Variants in ELK3 observed in about 807,000 individuals in gnomAD.
ELK3 encodes the protein ETS domain-containing protein Elk-3.
ELK3 carries 10 observed loss-of-function variants against 28.9 expected under a neutral mutation model. That is an observed-to-expected ratio of 0.35 (90% CI 0.21 to 0.59). The LOEUF is 0.59. Among genes scored for constraint, ELK3 ranks in the 20% least tolerant of loss-of-function variants. The pLI, the probability that ELK3 is intolerant of heterozygous loss-of-function variation, is 0.82. For missense variants in ELK3, 463 were observed against 517.3 expected, an observed-to-expected ratio of 0.90 and a Z score of 1.02; for synonymous variants, 272 against 243.5, an observed-to-expected ratio of 1.12 and a Z score of -1.09.
chr12:96,201,737 C>T (rs1951509172), intron 1 of ELK3, among the ~76,000 whole-genome samples: 1 of 152,160 alleles, frequency 6.6e-6, no homozygotes, highest in Admixed American at 6.5e-5. Flanking sequence ...CTGTCATCTC[C>T]AGACATCTGA....
chr12:96,264,819 TATTGATGATTGA>T (rs1952017751), intron 4 of ELK3, among the ~76,000 whole-genome samples: 2 of 152,326 alleles, frequency 1.3e-5, no homozygotes, highest in South Asian at 4.1e-4. Context: ...AGTTAACATT[TATTGATGATTGA>T]TGACTTATTG....
chr12:96,195,654 T>C (rs555242416), intron 1 of ELK3, among the ~76,000 whole-genome samples: 1 of 152,190 alleles, frequency 6.6e-6, no homozygotes, highest in African/African-American at 2.4e-5. Context: ...AAAGGGGCTT[T>C]TTAGAAAGAA....
chr12:96,229,530 T>C (rs950231775), intron 2 of ELK3, among the ~76,000 whole-genome samples: 8 of 138,260 alleles, frequency 5.8e-5, no homozygotes, highest in African/African-American at 2.2e-4. Context: ...TTCCTTTTTT[T>C]TTTTTTTTTT....
intron 1 of ELK3, among the ~76,000 whole-genome samples, chr12:96,220,694 T>C (rs1175268555): frequency 6.6e-6 from 1 of 152,052 alleles, no homozygotes; most frequent in African/African-American, 2.4e-5. Context: ...AGCCGGCCTT[T>C]CTCATGATTT....
rs1952030024 is a variant in ELK3, at chr12:96,266,392, T to A, written c.1126-690T>A. On this transcript the variant is annotated intron_variant, in intron 4 of 4. Transcript: ENST00000228741. ...ATTAAAAGGCCTTGTTCAGTTGGGATTGCAACTAACATATTTGTTTCAGAC... is the reference window on the plus strand; with the variant it reads ...ATTAAAAGGCCTTGTTCAGTTGGGAATGCAACTAACATATTTGTTTCAGAC... Among the ~76,000 whole-genome samples the A allele has an allele frequency of 2.6e-5, 4 of 152,314 alleles. No individual in the cohort carries two copies. The South Asian group carries it at 8.3e-4, about 32-fold the overall frequency.
intron 3 of ELK3, among the ~76,000 whole-genome samples, chr12:96,249,201 A>T (rs974664206): frequency 6.6e-6 from 1 of 152,164 alleles, no homozygotes; most frequent in Admixed American, 6.5e-5. Context: ...CTGCCTCCAG[A>T]ATCCATGCTC....
chr12:96,202,770 G>A (rs533895655), intron 1 of ELK3, among the ~76,000 whole-genome samples: 1 of 151,676 alleles, frequency 6.6e-6, no homozygotes, highest in South Asian at 2.1e-4. Flanking sequence ...CAACTGATCC[G>A]CCTGCCTCGG....
rs144750378 is a variant in ELK3, at chr12:96,259,757, G to T, written c.1029G>T (p.Pro343=). The change falls in exon 4 of 5, where the codon CCG becomes CCT. Residue 343 remains proline, a synonymous_variant. Transcript: ENST00000228741. ...CACCAAATGGATTGCTTCTGACTCC[G>T]AGTCCACTGCTCTCCAGCATACATT... is the stretch of plus-strand genomic sequence containing the variant. The part of the protein sequence containing the change: ...AQTPNGLLLT[P]SPLLSSIHFW... 1.9e-6 allele frequency: 3 copies of T among 1,610,006 alleles called. No homozygotes were observed. Among genetic ancestry groups the T allele is most frequent in the East Asian group, 2.2e-5 (1 of 44,748 alleles).
At chr12:96,229,206 A>G (rs1278859156) in intron 2 of ELK3, among the ~76,000 whole-genome samples, 1 of 152,214 alleles carries the variant, frequency 6.6e-6, no homozygotes, top group Admixed American at 6.5e-5. Flanking sequence ...TGAGTGATAA[A>G]CTAAAAAATA....
intron 2 of ELK3, among the ~76,000 whole-genome samples, chr12:96,227,329 G>T (rs532630021): frequency 2.0e-5 from 3 of 151,872 alleles, no homozygotes; most frequent in Non-Finnish European, 4.4e-5. Context: ...CGGCAGCTGC[G>T]TCCTTTTTCC....
At chr12:96,266,336 A>G (rs899797255) in intron 4 of ELK3, among the ~76,000 whole-genome samples, 9 of 152,208 alleles carry the variant, frequency 5.9e-5, no homozygotes, top group Admixed American at 2.0e-4. Flanking sequence ...ATCATCCTCA[A>G]CAACGAAAAT....
intron 1 of ELK3, among the ~76,000 whole-genome samples, chr12:96,201,144 T>C (rs1951505203): frequency 6.6e-6 from 1 of 152,182 alleles, no homozygotes; most frequent in South Asian, 2.1e-4. Flanking sequence ...AATGTGTAGA[T>C]TTCCTCATCA....
intron 2 of ELK3, among the ~76,000 whole-genome samples, chr12:96,232,473 A>C (rs1430105357): frequency 1.3e-5 from 2 of 152,012 alleles, no homozygotes; most frequent in African/African-American, 2.4e-5. Flanking sequence ...CGGGAGGCTG[A>C]GGCAGGAGAA....
At chr12:96,233,516 T>C (rs1283884025) in intron 2 of ELK3, among the ~76,000 whole-genome samples, 2 of 152,248 alleles carry the variant, frequency 1.3e-5, no homozygotes, top group Admixed American at 1.3e-4. Flanking sequence ...GACAAAGTCA[T>C]TGGCAACCTA....
chr12:96,222,226 A>G (rs1951667052), intron 1 of ELK3, among the ~76,000 whole-genome samples: 1 of 152,184 alleles, frequency 6.6e-6, no homozygotes, highest in East Asian at 1.9e-4. Context: ...AAGGCCTGAA[A>G]TTGAGAAACT....
intron 2 of ELK3, among the ~76,000 whole-genome samples, chr12:96,230,168 C>G (rs183565855): frequency 3.9e-5 from 6 of 152,228 alleles, no homozygotes; most frequent in Admixed American, 3.3e-4. Context: ...TTGCAGTTGC[C>G]TACATACAGT....
chr12:96,220,551 C>T (rs1951655288), intron 1 of ELK3, among the ~76,000 whole-genome samples: 1 of 152,136 alleles, frequency 6.6e-6, no homozygotes, highest in East Asian at 1.9e-4. Flanking sequence ...CCACGCCCAG[C>T]TGGTTTTTTG....
At chr12:96,233,847 G>A (rs1421991689) in intron 2 of ELK3, among the ~76,000 whole-genome samples, 1 of 152,210 alleles carries the variant, frequency 6.6e-6, no homozygotes, top group Non-Finnish European at 1.5e-5. Context: ...GATCGAGGGG[G>A]CCCTCTGTGC....
At chr12:96,236,900 T>A (rs751696569) in intron 2 of ELK3, among the ~76,000 whole-genome samples, 229 of 152,324 alleles carry the variant, frequency 1.5e-3, no homozygotes, top group Non-Finnish European at 1.9e-3. Flanking sequence ...CTGAAGGCCC[T>A]AGGGAAAAAT....
Sources: allele counts gnomAD v4.1 joint callset (sites outside exome capture counted in the v4.1 genomes callset), GRCh38; gene constraint gnomAD v4.1.1; transcripts MANE v1.5; gene names NCBI Gene and HGNC (gene_info 2026-07-23, HGNC 2026-07-21).